The following SFMBT2 variants were observed in gnomAD, a reference collection of about 807,000 sequenced individuals.
SFMBT2 encodes Scm like with four mbt domains 2, also known as scm-like with four MBT domains protein 2.
Under a neutral mutation model 110.1 loss-of-function variants are expected in SFMBT2, and 38 were observed. The ratio of observed to expected loss-of-function variants is 0.35; its 90% confidence interval spans 0.27 to 0.45. The LOEUF is 0.45. Ranked by LOEUF, SFMBT2 falls within the 20% of genes least tolerant of loss-of-function variation. SFMBT2 has a pLI of 1.00. For missense variants in SFMBT2, 1,011 were observed against 1,094.9 expected (o/e 0.92, Z 1.08); for synonymous variants, 425 against 425.4 (o/e 1.00, Z 0.01).
intron 11 of SFMBT2, among the ~76,000 whole-genome samples, chr10:7,208,176 T>TCAGGACA (rs1362757826): frequency 4.6e-5 from 7 of 152,158 alleles, no homozygotes; most frequent in Admixed American, 2.0e-4. Flanking sequence ...AATGTGGAAG[T>TCAGGACA]GCCTCTGCCC....
intron 9 of SFMBT2, among the ~76,000 whole-genome samples, chr10:7,240,805 T>G (rs1840403986): frequency 2.0e-5 from 3 of 152,226 alleles, no homozygotes; most frequent in Non-Finnish European, 4.4e-5. Flanking sequence ...TTGTGTGCTC[T>G]TCTGAGGTTA....
At chr10:7,239,771 C>T (rs907842916) in intron 9 of SFMBT2, among the ~76,000 whole-genome samples, 16 of 152,138 alleles carry the variant, frequency 1.1e-4, no homozygotes, top group African/African-American at 3.6e-4. Context: ...CCCAAACTCT[C>T]TAGAATTACT....
At chr10:7,164,475 G>A (rs1837640765) in intron 20 of SFMBT2, 3 of 983,204 alleles carry the variant, frequency 3.1e-6, no homozygotes, top group Non-Finnish European at 3.6e-6. Flanking sequence ...ACCCTGGTGG[G>A]TAGAAAGAGC....
chr10:7,310,588 A>G (rs1842821788), intron 4 of SFMBT2, among the ~76,000 whole-genome samples: 1 of 152,202 alleles, frequency 6.6e-6, no homozygotes, highest in Admixed American at 6.5e-5. Flanking sequence ...AATCACTGAC[A>G]TTTACTTTTG....
At chr10:7,260,781 C>G (rs1841169928) in intron 7 of SFMBT2, among the ~76,000 whole-genome samples, 1 of 152,128 alleles carries the variant, frequency 6.6e-6, no homozygotes. Flanking sequence ...TGGCCAAAAT[C>G]CCAGGAGAGC....
chr10:7,326,005 T>C (rs188140164), intron 4 of SFMBT2, among the ~76,000 whole-genome samples: 6 of 152,340 alleles, frequency 3.9e-5, no homozygotes, highest in Non-Finnish European at 7.4e-5. Flanking sequence ...AGCACAAGAA[T>C]AGTCATACGT....
At chr10:7,353,173 G>A (rs1388897535) in intron 4 of SFMBT2, among the ~76,000 whole-genome samples, 8 of 151,936 alleles carry the variant, frequency 5.3e-5, no homozygotes, top group African/African-American at 1.5e-4. Flanking sequence ...AATAACAACC[G>A]TATCATATAT....
rs202240893 is a variant in SFMBT2 at position 7,319,670 on chromosome 10, C to G, written c.437-33716G>C. 5.5e-5 allele frequency among the ~76,000 whole-genome samples: 8 copies of G among 146,752 alleles called. No individual in the cohort carries two copies. The South Asian group carries it at 1.1e-3, about 20-fold the overall frequency. ...AGAGAGACAGAGAGAGAGAGAGAGACAGAGAGAGACAAAGACTGAGAGACT... is the reference window on the plus strand; with the variant it reads ...AGAGAGACAGAGAGAGAGAGAGAGAGAGAGAGAGACAAAGACTGAGAGACT... On this transcript the variant is annotated intron_variant, in intron 4 of 20. Transcript: ENST00000397167.
rs73619249 is a variant in SFMBT2 at position 7,393,896 on chromosome 10, C to T, written c.-51-11947G>A. ...CTGCTCTGCCAGCTCCAGGCCACTA[C>T]ATCAGAGGAAAATAAGCCACTCTCT... is the stretch of plus-strand genomic sequence containing the variant. On this transcript the variant is annotated intron_variant, in intron 1 of 20. Transcript: ENST00000397167. 6.1e-3 allele frequency among the ~76,000 whole-genome samples: 929 copies of T among 152,326 alleles called. 11 individuals carry two copies. The highest frequency in any genetic ancestry group is 0.021 in the African/African-American group (879 of 41,562).
At chr10:7,401,699 T>A (rs946001983) in intron 1 of SFMBT2, among the ~76,000 whole-genome samples, 1 of 152,016 alleles carries the variant, frequency 6.6e-6, no homozygotes, top group African/African-American at 2.4e-5. Context: ...TTCCAAAGAC[T>A]CCTCTTTCCC....
chr10:7,401,031 GC>G (rs1846067864), intron 1 of SFMBT2, among the ~76,000 whole-genome samples: 1 of 152,196 alleles, frequency 6.6e-6, no homozygotes, highest in African/African-American at 2.4e-5. Context: ...TACTTGGGAG[GC>G]TGAGGCAGGA....
At chr10:7,295,636 A>T (rs1172551680) in intron 4 of SFMBT2, among the ~76,000 whole-genome samples, 4 of 152,102 alleles carry the variant, frequency 2.6e-5, no homozygotes, top group Admixed American at 6.5e-5. Context: ...TTTATTTTTT[A>T]TTTTTTTGTA....
intron 2 of SFMBT2, among the ~76,000 whole-genome samples, chr10:7,376,849 A>T (rs1845232985): frequency 1.5e-5 from 1 of 66,314 alleles, no homozygotes; most frequent in Admixed American, 1.8e-4. Flanking sequence ...CGGGGTGGAC[A>T]GTGGCAAAAA....
At chr10:7,265,762 T>C (rs931264155) in intron 7 of SFMBT2, among the ~76,000 whole-genome samples, 4 of 152,212 alleles carry the variant, frequency 2.6e-5, no homozygotes, top group Non-Finnish European at 5.9e-5. Context: ...ACCTCTCCTA[T>C]GTTTTGATCC....
chr10:7,177,362 C>T (rs931915945), intron 16 of SFMBT2, among the ~76,000 whole-genome samples: 6 of 152,266 alleles, frequency 3.9e-5, no homozygotes, highest in South Asian at 2.1e-4. Context: ...CCCCGCCCCC[C>T]GCAAAAAGCG....
intron 4 of SFMBT2, among the ~76,000 whole-genome samples, chr10:7,317,285 A>T (rs1261669893): frequency 6.6e-6 from 1 of 152,182 alleles, no homozygotes; most frequent in Non-Finnish European, 1.5e-5. Flanking sequence ...TAATGGAAAA[A>T]AAAAAATCCT....
intron 11 of SFMBT2, among the ~76,000 whole-genome samples, chr10:7,218,497 G>C: frequency 6.6e-6 from 1 of 152,192 alleles, no homozygotes; most frequent in South Asian, 2.1e-4. Flanking sequence ...CTATTCAACA[G>C]ATAAGACTCA....
At chr10:7,180,467 T>C (rs929607971) in intron 16 of SFMBT2, among the ~76,000 whole-genome samples, 6 of 151,948 alleles carry the variant, frequency 3.9e-5, no homozygotes, top group African/African-American at 1.2e-4. Flanking sequence ...AAAGCTGCCT[T>C]GGCCCTGCCC....
intron 4 of SFMBT2, among the ~76,000 whole-genome samples, chr10:7,343,361 ATG>A (rs1843990713): frequency 6.6e-6 from 1 of 152,110 alleles, no homozygotes; most frequent in Non-Finnish European, 1.5e-5. Flanking sequence ...ACACACGTGC[ATG>A]TGTCTTTAAG....
Sources: allele counts gnomAD v4.1 joint callset (sites outside exome capture counted in the v4.1 genomes callset), GRCh38; gene constraint gnomAD v4.1.1; transcripts MANE v1.5; gene names NCBI Gene and HGNC (gene_info 2026-07-23, HGNC 2026-07-21).